Variants in PRELID2 observed in about 807,000 individuals in gnomAD.
The protein encoded by PRELID2 is PRELI domain-containing protein 2.
Under a neutral mutation model 28.4 loss-of-function variants are expected in PRELID2, and 25 were observed. The ratio of observed to expected loss-of-function variants is 0.88; its 90% CI spans 0.64 to 1.23. The LOEUF is 1.23. PRELID2 is among the 50% of genes most tolerant of loss of function. The pLI is 0.00. For missense variants in PRELID2, 201 were observed against 214.4 expected, an observed-to-expected ratio of 0.94 and a Z score of 0.39; for synonymous variants, 76 against 71.6, an observed-to-expected ratio of 1.06 and a Z score of -0.31.
At chr5:145,553,191 C>A (rs997968523) in intron 1 of PRELID2, among the ~76,000 whole-genome samples, 20 of 141,488 alleles carry the variant, frequency 1.4e-4, no homozygotes, top group East Asian at 1.1e-3. Flanking sequence ...GACCCCCCCC[C>A]CCAAAAAAAA....
the PRELID2 span, among the ~76,000 whole-genome samples, chr5:145,360,074 G>A: frequency 6.6e-6 from 1 of 152,172 alleles, no homozygotes; most frequent in East Asian, 1.9e-4. Flanking sequence ...TCACAAAGCT[G>A]AAGAGACTAT....
At chr5:145,787,452 AT>A (rs763069322) in intron 5 of PRELID2, among the ~76,000 whole-genome samples, 9 of 152,152 alleles carry the variant, frequency 5.9e-5, no homozygotes, top group Non-Finnish European at 1.2e-4. Context: ...GAAGATGTCA[AT>A]TTGGAGGAGT....
At chr5:145,641,056 G>A (rs1205369424) in intron 1 of PRELID2, among the ~76,000 whole-genome samples, 2 of 152,232 alleles carry the variant, frequency 1.3e-5, no homozygotes, top group East Asian at 3.9e-4. Flanking sequence ...AAAAACTTGA[G>A]AGAACATAGA....
intron 1 of PRELID2, among the ~76,000 whole-genome samples, chr5:145,580,088 T>A (rs1753094696): frequency 6.6e-6 from 1 of 151,978 alleles, no homozygotes; most frequent in Admixed American, 6.6e-5. Flanking sequence ...AGGCTGAGAG[T>A]CAATTTATGA....
chr5:145,690,888 T>A (rs1015206870), intron 1 of PRELID2, among the ~76,000 whole-genome samples: 2 of 151,862 alleles, frequency 1.3e-5, no homozygotes, highest in South Asian at 2.1e-4. Context: ...ATTAAGCAAA[T>A]GAAAATTGTT....
chr5:145,823,012 C>T (rs193007554), intron 2 of PRELID2, 65 bp downstream of exon 2: 2 of 892,708 alleles, frequency 2.2e-6, no homozygotes, highest in Non-Finnish European at 3.8e-6. Context: ...CACACGTACA[C>T]ACATCTTTAC....
At chr5:145,784,010 G>A (rs949077710) in intron 5 of PRELID2, among the ~76,000 whole-genome samples, 2 of 152,150 alleles carry the variant, frequency 1.3e-5, no homozygotes, top group African/African-American at 4.8e-5. Flanking sequence ...GCTGGGGCAT[G>A]GTGGTTCACA....
the PRELID2 span, among the ~76,000 whole-genome samples, chr5:145,353,184 A>G: frequency 2.6e-5 from 4 of 152,160 alleles, no homozygotes; most frequent in East Asian, 1.9e-4. Flanking sequence ...GAGGATGGGC[A>G]TGATGGCTCA....
At chr5:145,590,594 A>T (rs999183707) in intron 1 of PRELID2, among the ~76,000 whole-genome samples, 1 of 152,180 alleles carries the variant, frequency 6.6e-6, no homozygotes, top group Non-Finnish European at 1.5e-5. Flanking sequence ...GAATTTCATC[A>T]ATATGTCAAT....
At chr5:145,743,518 G>C (rs1236569500) in intron 1 of PRELID2, among the ~76,000 whole-genome samples, 1 of 151,968 alleles carries the variant, frequency 6.6e-6, no homozygotes, top group African/African-American at 2.4e-5. Flanking sequence ...CATCAGAACT[G>C]ACTAGGAGGC....
chr5:145,415,609 C>A, the PRELID2 span, among the ~76,000 whole-genome samples: 1 of 150,588 alleles, frequency 6.6e-6, no homozygotes, highest in Non-Finnish European at 1.5e-5. Context: ...AGGACATGAA[C>A]TCATCATTTT....
At chr5:145,492,553 T>C (rs1466523143) in intron 1 of PRELID2, among the ~76,000 whole-genome samples, 1 of 141,806 alleles carries the variant, frequency 7.1e-6, no homozygotes, top group Non-Finnish European at 1.6e-5. Context: ...TTTGTTTTTA[T>C]TACTTGTGCT....
chr5:145,405,953 C>A, the PRELID2 span, among the ~76,000 whole-genome samples: 3 of 152,038 alleles, frequency 2.0e-5, no homozygotes, highest in African/African-American at 7.2e-5. Context: ...GATCCACTCA[C>A]CTCAGCCTCC....
the PRELID2 span, among the ~76,000 whole-genome samples, chr5:145,258,148 A>C: frequency 6.6e-6 from 1 of 152,220 alleles, no homozygotes; most frequent in Non-Finnish European, 1.5e-5. Flanking sequence ...ACCATGAGCC[A>C]ATTAAACAGC....
intron 1 of PRELID2, among the ~76,000 whole-genome samples, chr5:145,680,228 T>C (rs1754905963): frequency 6.6e-6 from 1 of 152,212 alleles, no homozygotes. Context: ...CTCTAGATGA[T>C]TCTGCTTCTT....
At chr5:145,464,800 G>A in the PRELID2 span, among the ~76,000 whole-genome samples, 1 of 152,142 alleles carries the variant, frequency 6.6e-6, no homozygotes, top group Non-Finnish European at 1.5e-5. Flanking sequence ...GAATCAGCAT[G>A]TGTATTAGAA....
chr5:145,736,814 T>G (rs1403235835), intron 1 of PRELID2, among the ~76,000 whole-genome samples: 2 of 152,150 alleles, frequency 1.3e-5, no homozygotes, highest in Non-Finnish European at 2.9e-5. Flanking sequence ...ACATAGGAGA[T>G]GCTCAATCGT....
the PRELID2 span, among the ~76,000 whole-genome samples, chr5:145,341,853 A>G: frequency 2.0e-5 from 3 of 152,218 alleles, no homozygotes; most frequent in East Asian, 3.9e-4. Context: ...ATAATTTGAT[A>G]TAAATTTCCC....
chr5:145,563,358 C>T (rs1313216862), intron 1 of PRELID2, among the ~76,000 whole-genome samples: 1 of 152,174 alleles, frequency 6.6e-6, no homozygotes, highest in African/African-American at 2.4e-5. Context: ...ATGTGAGCTC[C>T]TGGATCCACA....
Sources: gnomAD v4.1 joint callset for allele counts (sites outside exome capture counted in the v4.1 genomes callset) on GRCh38, gnomAD v4.1.1 for gene constraint, MANE v1.5 for transcripts, NCBI Gene and HGNC (gene_info 2026-07-23, HGNC 2026-07-21) for gene names.